Variants in PCDH15 observed in about 807,000 individuals in gnomAD.
PCDH15 encodes the protein protocadherin-15.
PCDH15 carries 129 observed loss-of-function variants against 178.5 expected under a neutral mutation model. That is an observed-to-expected ratio of 0.72 (90% CI 0.63 to 0.84). The LOEUF (loss-of-function observed/expected upper bound fraction) is 0.84, where lower values mean the gene tolerates loss of function less well. Ranked by LOEUF, PCDH15 falls within the 40% of genes least tolerant of loss-of-function variation. The pLI is 0.00. For synonymous variants in PCDH15, 800 were observed against 732.0 expected (o/e 1.09, Z -1.50); for missense variants, 2,230 against 2,099.9 (o/e 1.06, Z -1.21).
chr10:53,914,424 C>T (rs191721893), intron 25 of PCDH15, among the ~76,000 whole-genome samples: 3 of 152,262 alleles, frequency 2.0e-5, no homozygotes, highest in African/African-American at 4.8e-5. Context: ...CCATGGAATA[C>T]TATGCAGCCA....
intron 18 of PCDH15, among the ~76,000 whole-genome samples, chr10:54,035,721 G>A (rs1050482738): frequency 2.6e-5 from 4 of 151,924 alleles, no homozygotes; most frequent in Non-Finnish European, 5.9e-5. Context: ...AAGTGAAAGA[G>A]TTGTGTGTCT....
At chr10:54,633,668 T>C (rs538538960) in intron 2 of PCDH15, among the ~76,000 whole-genome samples, 2 of 152,126 alleles carry the variant, frequency 1.3e-5, no homozygotes, top group South Asian at 2.1e-4. Context: ...AGTGTAAATA[T>C]GTCCTCCCCA....
At chr10:54,655,348 G>GAGAGAGA (rs2094377740) in intron 2 of PCDH15, among the ~76,000 whole-genome samples, 1 of 148,632 alleles carries the variant, frequency 6.7e-6, no homozygotes, top group Non-Finnish European at 1.5e-5. Flanking sequence ...AAGAAAGAAA[G>GAGAGAGA]AACATCTGAG....
chr10:55,527,854 T>G (rs1243510852), intron 2 of PCDH15, among the ~76,000 whole-genome samples: 3 of 152,060 alleles, frequency 2.0e-5, no homozygotes, highest in Non-Finnish European at 2.9e-5. Flanking sequence ...TAATAGGTAT[T>G]GTTTTTTCTT....
At chr10:54,009,903 G>A (rs1416513850) in intron 20 of PCDH15, among the ~76,000 whole-genome samples, 1 of 152,192 alleles carries the variant, frequency 6.6e-6, no homozygotes, top group African/African-American at 2.4e-5. Flanking sequence ...CAGGAGACTT[G>A]TATCCCCAGA....
chr10:54,394,714 C>T (rs186299891), intron 3 of PCDH15, among the ~76,000 whole-genome samples: 2 of 152,224 alleles, frequency 1.3e-5, no homozygotes, highest in Admixed American at 1.3e-4. Context: ...CAGGAATTTC[C>T]TCTTCCTAAT....
chr10:54,940,358 T>A (rs1838030748), intron 2 of PCDH15, among the ~76,000 whole-genome samples: 1 of 152,180 alleles, frequency 6.6e-6, no homozygotes, highest in African/African-American at 2.4e-5. Flanking sequence ...TGCTCTGTTG[T>A]TCGTTTTTTA....
At chr10:54,358,051 G>A (rs1053107253) in intron 5 of PCDH15, among the ~76,000 whole-genome samples, 14 of 147,406 alleles carry the variant, frequency 9.5e-5, no homozygotes, top group African/African-American at 2.1e-4. Flanking sequence ...GACCTTAAAC[G>A]ATAAAAAACC....
intron 3 of PCDH15, among the ~76,000 whole-genome samples, chr10:54,839,798 A>G (rs1953384736): frequency 6.6e-6 from 1 of 152,150 alleles, no homozygotes. Context: ...GGGAAACAGC[A>G]TAAGGTTATC....
chr10:55,602,703 A>T (rs1843116782), intron 2 of PCDH15, among the ~76,000 whole-genome samples: 1 of 152,176 alleles, frequency 6.6e-6, no homozygotes, highest in Non-Finnish European at 1.5e-5. Flanking sequence ...AAAACTAACA[A>T]ACAGAAAGGA....
Position 54,548,122 on chromosome 10 carries a change from C to A in PCDH15, c.92-20245G>T, listed in dbSNP as rs12763202. 6.0e-3 allele frequency among the ~76,000 whole-genome samples: 863 copies of A among 143,236 alleles called. 4 individuals carry two copies. Among genetic ancestry groups the A allele is most frequent in the Non-Finnish European group, 8.9e-3 (583 of 65,742 alleles). 94.0% of individuals were successfully genotyped at this position (143,236 alleles called of 152,430 possible). ...TCTCAAAAAAAAAAAACCAAAAAAA[C>A]CAAAAAAAACCCATATATATATATG... On this transcript the variant is annotated intron_variant, in intron 2 of 37. Coordinates refer to ENST00000644397, the MANE Select transcript of PCDH15 (RefSeq NM_001384140.1).
intron 1 of PCDH15, among the ~76,000 whole-genome samples, chr10:54,700,586 C>T (rs995486998): frequency 3.0e-4 from 45 of 151,948 alleles, no homozygotes; most frequent in African/African-American, 9.2e-4. Context: ...CAAGTATCAA[C>T]GCAAAATCAA....
intron 17 of PCDH15, among the ~76,000 whole-genome samples, 156 bp from the exon 18 acceptor site, chr10:54,067,041 T>TA (rs1218628687): frequency 4.0e-5 from 6 of 151,610 alleles, no homozygotes; most frequent in Admixed American, 3.9e-4. Flanking sequence ...ATAAAAAAAT[T>TA]AAAAAAAAGA....
chr10:54,585,749 G>T (rs1160382027), intron 2 of PCDH15, among the ~76,000 whole-genome samples: 1 of 152,130 alleles, frequency 6.6e-6, no homozygotes, highest in Non-Finnish European at 1.5e-5. Flanking sequence ...ATCAACTTCA[G>T]CAGGTTCCCA....
intron 2 of PCDH15, among the ~76,000 whole-genome samples, chr10:55,068,497 C>A (rs1290005732): frequency 6.6e-6 from 1 of 152,050 alleles, no homozygotes; most frequent in Non-Finnish European, 1.5e-5. Context: ...TCACCATAGG[C>A]GTGCACTATG....
intron 3 of PCDH15, among the ~76,000 whole-genome samples, chr10:54,408,048 C>G (rs1358315659): frequency 4.9e-5 from 2 of 40,644 alleles, no homozygotes; most frequent in East Asian, 5.2e-4. Context: ...GAATGAGACT[C>G]TGTCAAAAAA....
chr10:54,629,380 G>A (rs2093640878), intron 2 of PCDH15, among the ~76,000 whole-genome samples: 1 of 152,096 alleles, frequency 6.6e-6, no homozygotes, highest in South Asian at 2.1e-4. Context: ...AGAAGCACAT[G>A]AAAAAGTTAA....
chr10:53,815,706 A>G (rs2076036216), intron 35 of PCDH15, among the ~76,000 whole-genome samples: 1 of 151,782 alleles, frequency 6.6e-6, no homozygotes, highest in Non-Finnish European at 1.5e-5. Flanking sequence ...TTAATTACAT[A>G]TATAAACATA....
chr10:55,218,420 G>A (rs1434008135), intron 1 of PCDH15, among the ~76,000 whole-genome samples: 2 of 152,018 alleles, frequency 1.3e-5, no homozygotes, highest in Non-Finnish European at 1.5e-5. Context: ...GGAAAGAGGA[G>A]AGGAGAGAAG....
Sources: gnomAD v4.1 joint callset for allele counts (sites outside exome capture counted in the v4.1 genomes callset) on GRCh38, gnomAD v4.1.1 for gene constraint, MANE v1.5 for transcripts, NCBI Gene and HGNC (gene_info 2026-07-23, HGNC 2026-07-21) for gene names.